Variants in ACAP2 observed in about 807,000 individuals in gnomAD.
ACAP2 encodes arf-GAP with coiled-coil, ANK repeat and PH domain-containing protein 2.
A neutral mutation model predicts 115.8 loss-of-function variants in ACAP2; 39 were observed. That is an observed-to-expected ratio of 0.34 (90% CI 0.26 to 0.44). The LOEUF (loss-of-function observed/expected upper bound fraction) is 0.44. ACAP2 is among the 20% of genes least tolerant of loss of function. The pLI, the probability that ACAP2 is intolerant of heterozygous loss-of-function variation, is 1.00. For synonymous variants in ACAP2, 289 were observed against 315.8 expected, an observed-to-expected ratio of 0.92 and a Z score of 0.90; for missense variants, 662 against 927.6, an observed-to-expected ratio of 0.71 and a Z score of 3.72.
chr3:195,419,757 C>T (rs1034396352), intron 1 of ACAP2, among the ~76,000 whole-genome samples: 1 of 152,160 alleles, frequency 6.6e-6, no homozygotes, highest in Non-Finnish European at 1.5e-5. Flanking sequence ...CCCAAACAGC[C>T]AGTTGTCTCT....
chr3:195,438,881 G>C (rs1235685322), intron 1 of ACAP2, among the ~76,000 whole-genome samples: 1 of 152,134 alleles, frequency 6.6e-6, no homozygotes, highest in African/African-American at 2.4e-5. Context: ...CTAACATGGT[G>C]AAACTCCGTT....
intron 10 of ACAP2, among the ~76,000 whole-genome samples, chr3:195,319,307 C>T (rs1000426978): frequency 1.3e-5 from 2 of 152,262 alleles, no homozygotes; most frequent in African/African-American, 4.8e-5. Context: ...GGATCTCCCA[C>T]ATATAGTCCC....
intron 11 of ACAP2, among the ~76,000 whole-genome samples, chr3:195,308,479 C>T (rs1728557648): frequency 6.6e-6 from 1 of 152,068 alleles, no homozygotes; most frequent in South Asian, 2.1e-4. Context: ...AGCACATGTA[C>T]CACAAAAGTA....
At chr3:195,379,515 T>C (rs948672558) in intron 4 of ACAP2, among the ~76,000 whole-genome samples, 2 of 152,078 alleles carry the variant, frequency 1.3e-5, no homozygotes, top group African/African-American at 4.8e-5. Flanking sequence ...ACAAAGGGAC[T>C]GGGTGTAGTG....
intron 4 of ACAP2, among the ~76,000 whole-genome samples, chr3:195,350,671 A>T (rs1731502811): frequency 6.6e-6 from 1 of 151,856 alleles, no homozygotes; most frequent in Admixed American, 6.6e-5. Flanking sequence ...AAGAAAAAAG[A>T]CAAGCAAAAA....
At chr3:195,304,333 T>A (rs1324035387) in intron 13 of ACAP2, among the ~76,000 whole-genome samples, 1 of 152,210 alleles carries the variant, frequency 6.6e-6, no homozygotes, top group Non-Finnish European at 1.5e-5. Context: ...TGTTGGTTCA[T>A]TCCCAAGTTT....
At chr3:195,337,341 A>C (rs1289856358) in intron 6 of ACAP2, among the ~76,000 whole-genome samples, 1 of 151,366 alleles carries the variant, frequency 6.6e-6, no homozygotes, top group South Asian at 2.1e-4. Flanking sequence ...TACCACTACC[A>C]CCATCATGTC....
chr3:195,345,316 A>T lies in ACAP2; in HGVS notation c.287T>A (p.Ile96Asn), dbSNP rs1242571290. The change falls in exon 5 of 23, where the codon ATC becomes AAC. Residue 96 changes from isoleucine (I) to asparagine (N), a missense_variant and splice_region_variant. By Grantham distance (149) the Ile-to-Asn change is moderately radical. This residue lies in a region of ACAP2 where 401 missense variants were observed against 604.4 expected (regional missense o/e 0.66). Coordinates refer to ENST00000326793, the MANE Select transcript of ACAP2 (RefSeq NM_012287.6). ...SLQEMINFHT[I>N]LFDQTQRSIK... ...TGATCTCTGAGTTTGGTCAAACAGG[A>T]TCTAAAAAATAAAATGTAATATTAA... 6.3e-7 allele frequency: 1 copy of T among 1,597,946 alleles called. No individual in the cohort carries two copies. The highest frequency in any genetic ancestry group is 8.6e-7 in the Non-Finnish European group (1 of 1,166,220).
intron 22 of ACAP2, among the ~76,000 whole-genome samples, chr3:195,284,322 AC>A (rs1726706936): frequency 1.3e-5 from 2 of 152,368 alleles, no homozygotes; most frequent in African/African-American, 4.8e-5. Flanking sequence ...GCCTAGTAAT[AC>A]TATCAGTTAA....
rs9863901 is a variant in ACAP2, at chr3:195,276,008, A to C, written c.*3320T>G. On this transcript the variant is annotated 3_prime_UTR_variant, in exon 23 of 23. Transcript: ENST00000326793. ...ATCATTTTTCCAGCTCATGTCCATG[A>C]TCCAAAGTGATATTATACACAAGTG... 6.6e-6 allele frequency: 1 copy of C among 152,492 alleles called. No individual in the cohort carries two copies. The highest frequency in any genetic ancestry group is 1.5e-5 in the Non-Finnish European group (1 of 68,010). The allele number at this position is 152,492 out of a possible 1,614,324, so 9.4% of individuals were successfully genotyped here. A position where few individuals can be genotyped will look rare whatever the true frequency, so the allele number is the denominator to read the frequency against.
At chr3:195,364,849 A>G (rs1303789245) in intron 4 of ACAP2, among the ~76,000 whole-genome samples, 1 of 152,216 alleles carries the variant, frequency 6.6e-6, no homozygotes, top group Non-Finnish European at 1.5e-5. Flanking sequence ...TAGCATATTT[A>G]CAGTAGCCAA....
chr3:195,333,014 T>C lies in ACAP2; in HGVS notation c.669+14A>G, dbSNP rs375097585. 1.3e-4 allele frequency: 203 copies of C among 1,555,046 alleles called. No homozygotes were observed. In the African/African-American group the frequency reaches 2.5e-3, roughly 19 times the overall value. On this transcript the variant is annotated intron_variant, in intron 8 of 22. Transcript: ENST00000326793. ...ATGTATAAAACAGAATCAAGAAATA[T>C]ACTGCAACATTACCTGTGCACCAAG...
At chr3:195,413,700 G>A (rs1713477468) in intron 1 of ACAP2, among the ~76,000 whole-genome samples, 1 of 152,178 alleles carries the variant, frequency 6.6e-6, no homozygotes, top group South Asian at 2.1e-4. Flanking sequence ...AGTGAGCCAA[G>A]ATCGCACCAC....
chr3:195,413,600 A>T (rs1264113422), intron 1 of ACAP2, among the ~76,000 whole-genome samples: 1 of 152,026 alleles, frequency 6.6e-6, no homozygotes, highest in Admixed American at 6.6e-5. Context: ...AATACAAAAA[A>T]TTAGGCGGGT....
At chr3:195,336,792 T>C in intron 7 of ACAP2, 140 bp downstream of exon 7, 1 of 724,578 alleles carries the variant, frequency 1.4e-6, no homozygotes, top group Non-Finnish European at 2.3e-6. Context: ...CAGTGCCACA[T>C]AAGAAACACA....
chr3:195,294,918 G>A, intron 17 of ACAP2, 107 bp from the exon 18 acceptor site: 1 of 612,920 alleles, frequency 1.6e-6, no homozygotes, highest in Non-Finnish European at 2.9e-6. Flanking sequence ...CATGAACTCA[G>A]GCACCACAAG....
chr3:195,398,584 C>A (rs1430523568), intron 1 of ACAP2, among the ~76,000 whole-genome samples: 1 of 151,648 alleles, frequency 6.6e-6, no homozygotes, highest in Non-Finnish European at 1.5e-5. Context: ...TTGCGGTGAG[C>A]CAAGATCACA....
At chr3:195,386,872 A>T (rs1734343553) in intron 2 of ACAP2, among the ~76,000 whole-genome samples, 2 of 152,166 alleles carry the variant, frequency 1.3e-5, no homozygotes, top group Admixed American at 1.3e-4. Flanking sequence ...TGAAGAACAA[A>T]AGCAGTAATG....
intron 8 of ACAP2, among the ~76,000 whole-genome samples, chr3:195,329,710 G>A (rs1410792773): frequency 1.3e-5 from 2 of 152,046 alleles, no homozygotes. Flanking sequence ...ACTTTTTGCT[G>A]CTAAATCCAA....
Sources: allele counts gnomAD v4.1 joint callset (sites outside exome capture counted in the v4.1 genomes callset), GRCh38; gene constraint gnomAD v4.1.1; regional missense constraint gnomAD v4.1.1; transcripts MANE v1.5; gene names NCBI Gene and HGNC (gene_info 2026-07-23, HGNC 2026-07-21).